The following CLVS1 variants were observed in gnomAD, a reference collection of about 807,000 sequenced individuals.
CLVS1 encodes the protein clavesin-1.
Under a neutral mutation model 33.1 loss-of-function variants are expected in CLVS1, and 10 were observed. The observed-to-expected ratio is 0.30, with a 90% CI of 0.19 to 0.51. The LOEUF (loss-of-function observed/expected upper bound fraction) is 0.51, where lower values mean the gene tolerates loss of function less well. Ranked by LOEUF, CLVS1 falls within the 20% of genes least tolerant of loss-of-function variation. CLVS1 has a pLI of 0.97. For missense variants in CLVS1, 343 were observed against 433.4 expected, an observed-to-expected ratio of 0.79 and a Z score of 1.85; for synonymous variants, 163 against 166.1, an observed-to-expected ratio of 0.98 and a Z score of 0.14.
the CLVS1 span, among the ~76,000 whole-genome samples, chr8:61,026,420 G>A: frequency 6.6e-6 from 1 of 152,184 alleles, no homozygotes; most frequent in Admixed American, 6.5e-5. Flanking sequence ...CTTTGTTATG[G>A]CAACCCCAGC....
chr8:61,194,835 T>A (rs1041967525), intron 2 of CLVS1, among the ~76,000 whole-genome samples: 3 of 151,790 alleles, frequency 2.0e-5, no homozygotes, highest in African/African-American at 7.2e-5. Context: ...AAAACAAAAA[T>A]TTATAAATTT....
At chr8:61,199,670 C>T (rs926461003) in intron 2 of CLVS1, among the ~76,000 whole-genome samples, 2 of 152,184 alleles carry the variant, frequency 1.3e-5, no homozygotes, top group African/African-American at 4.8e-5. Flanking sequence ...TGTAAACTAG[C>T]ACAACCTCTT....
At chr8:61,053,708 G>C (rs964749626), upstream of CLVS1, among the ~76,000 whole-genome samples, 1 of 152,230 alleles carries the variant, frequency 6.6e-6, no homozygotes, top group African/African-American at 2.4e-5. Context: ...TGGACACAGT[G>C]ATATTGGTTT....
At chr8:61,193,995 T>A (rs1395695471) in intron 2 of CLVS1, among the ~76,000 whole-genome samples, 1 of 152,066 alleles carries the variant, frequency 6.6e-6, no homozygotes, top group Non-Finnish European at 1.5e-5. Flanking sequence ...TTATTAATTA[T>A]TTTTACAATT....
At chr8:61,304,354 G>A (rs1331695206) in intron 2 of CLVS1, among the ~76,000 whole-genome samples, 8 of 152,246 alleles carry the variant, frequency 5.3e-5, no homozygotes, top group Non-Finnish European at 1.0e-4. Flanking sequence ...CATAGGCAGT[G>A]CCTGGGCTAC....
the CLVS1 span, among the ~76,000 whole-genome samples, chr8:61,009,108 T>C: frequency 6.6e-6 from 1 of 152,182 alleles, no homozygotes; most frequent in Admixed American, 6.5e-5. Flanking sequence ...ATACCATTAG[T>C]ATAAGAGAGT....
chr8:61,394,113 G>A (rs1046065667), intron 3 of CLVS1, among the ~76,000 whole-genome samples: 1 of 152,220 alleles, frequency 6.6e-6, no homozygotes, highest in Non-Finnish European at 1.5e-5. Context: ...TTGGGTGGCC[G>A]AGGCAGGTGG....
At chr8:61,091,021 C>T in intron 1 of CLVS1, 1 of 453,424 alleles carries the variant, frequency 2.2e-6, no homozygotes, top group Admixed American at 2.5e-5. Flanking sequence ...CCCTAATCCC[C>T]AGAACCTGTG....
intron 1 of CLVS1, among the ~76,000 whole-genome samples, chr8:61,119,404 A>G (rs1805809776): frequency 6.8e-6 from 1 of 147,284 alleles, no homozygotes; most frequent in Non-Finnish European, 1.5e-5. Context: ...TGTGAATTTG[A>G]TCCTGTCATT....
At chr8:61,480,915 C>A (rs1818168802) in intron 5 of CLVS1, among the ~76,000 whole-genome samples, 1 of 152,024 alleles carries the variant, frequency 6.6e-6, no homozygotes, top group Admixed American at 6.6e-5. Flanking sequence ...GTAGTGTGAT[C>A]CGCACTTCTC....
chr8:61,213,175 T>C lies in CLVS1; in HGVS notation c.-152+81315T>C, dbSNP rs902406346. Among the ~76,000 whole-genome samples, 3 of 150,986 alleles carry C rather than the reference T, an allele frequency of 2.0e-5. No individual in the cohort carries two copies. In the South Asian group the frequency reaches 6.3e-4, roughly 32 times the overall value. On this transcript the variant is annotated intron_variant, in intron 2 of 2. Transcript: ENST00000522621. ...GGTTTAGTGTCACCCCTTGGGGATA[T>C]TCAAGGCTCAGTTTAGGTTCCCAGT...
At chr8:61,079,789 GA>G (rs58456052) in intron 1 of CLVS1, among the ~76,000 whole-genome samples, 10 of 149,818 alleles carry the variant, frequency 6.7e-5, no homozygotes, top group Non-Finnish European at 1.0e-4. Flanking sequence ...AAGCCATTAG[GA>G]AAAAAAAAAC....
At chr8:61,468,056 AAC>A (rs1257702689) in intron 5 of CLVS1, among the ~76,000 whole-genome samples, 1 of 151,818 alleles carries the variant, frequency 6.6e-6, no homozygotes, top group African/African-American at 2.4e-5. Context: ...AATAAACACA[AAC>A]ATATTTTAGA....
intron 3 of CLVS1, among the ~76,000 whole-genome samples, chr8:61,410,095 T>TTC (rs1425165953): frequency 1.1e-4 from 13 of 123,776 alleles, no homozygotes; most frequent in East Asian, 2.2e-4. Context: ...TCTTTGTTTT[T>TTC]GCTAGGTAAA....
At chr8:61,317,559 T>C (rs955309376) in intron 2 of CLVS1, among the ~76,000 whole-genome samples, 3 of 152,174 alleles carry the variant, frequency 2.0e-5, no homozygotes, top group African/African-American at 7.2e-5. Context: ...GAAATGTTGT[T>C]CCATCTCTAT....
At chr8:61,164,612 A>G (rs1806819424) in intron 2 of CLVS1, among the ~76,000 whole-genome samples, 1 of 152,168 alleles carries the variant, frequency 6.6e-6, no homozygotes, top group African/African-American at 2.4e-5. Flanking sequence ...CCCAGGCTAC[A>G]TGAATGACAT....
chr8:61,248,826 T>C (rs1808874373), intron 2 of CLVS1, among the ~76,000 whole-genome samples: 1 of 152,158 alleles, frequency 6.6e-6, no homozygotes, highest in African/African-American at 2.4e-5. Context: ...GATAATCTGA[T>C]TGTGTGATTT....
intron 4 of CLVS1, among the ~76,000 whole-genome samples, chr8:61,455,456 G>A (rs560153252): frequency 6.6e-6 from 1 of 152,016 alleles, no homozygotes; most frequent in Admixed American, 6.5e-5. Context: ...TGATCATGCA[G>A]TATTTGTTTT....
intron 2 of CLVS1, among the ~76,000 whole-genome samples, chr8:61,312,338 G>T (rs1810859232): frequency 1.3e-5 from 2 of 152,188 alleles, no homozygotes; most frequent in Non-Finnish European, 2.9e-5. Context: ...CTTCGCTCCA[G>T]TTGTAAATCA....
Sources: gnomAD v4.1 joint callset for allele counts (sites outside exome capture counted in the v4.1 genomes callset) on GRCh38, gnomAD v4.1.1 for gene constraint, MANE v1.5 for transcripts, NCBI Gene and HGNC (gene_info 2026-07-23, HGNC 2026-07-21) for gene names.